The following INVS variants were observed in gnomAD, a reference collection of about 807,000 sequenced individuals.
INVS encodes the protein inversin.
In INVS, 86 loss-of-function variants were observed where a neutral mutation model predicts 108.8. The observed-to-expected ratio is 0.79, with a 90% confidence interval of 0.66 to 0.95. The LOEUF (loss-of-function observed/expected upper bound fraction) is 0.95. Among genes scored for constraint, INVS ranks in the 40% least tolerant of loss-of-function variants. The probability of loss-of-function intolerance (pLI) is 0.00; values close to 1 mark genes in which losing one functional copy is unlikely to be tolerated. For synonymous variants in INVS, 455 were observed against 473.5 expected, an observed-to-expected ratio of 0.96 and a Z score of 0.51; for missense variants, 1,169 against 1,297.4, an observed-to-expected ratio of 0.90 and a Z score of 1.52.
At chr9:100,173,296 G>A (rs1475545391) in intron 3 of INVS, among the ~76,000 whole-genome samples, 1 of 152,196 alleles carries the variant, frequency 6.6e-6, no homozygotes, top group African/African-American at 2.4e-5. Flanking sequence ...GTAAGAAGAG[G>A]ATAGCACTGG....
chr9:100,207,345 A>T (rs1258922918), intron 3 of INVS, among the ~76,000 whole-genome samples: 1 of 151,936 alleles, frequency 6.6e-6, no homozygotes, highest in East Asian at 1.9e-4. Flanking sequence ...CCAGGCTGGA[A>T]TGCAGTGGCA....
intron 3 of INVS, among the ~76,000 whole-genome samples, chr9:100,167,512 T>C (rs1394335869): frequency 6.6e-6 from 1 of 152,168 alleles, no homozygotes; most frequent in East Asian, 1.9e-4. Context: ...CTTATTCAAG[T>C]CACTGTCTCA....
intron 7 of INVS, 69 bp from the exon 8 acceptor site, chr9:100,246,547 T>C: frequency 9.1e-7 from 1 of 1,094,556 alleles, no homozygotes; most frequent in Non-Finnish European, 1.4e-6. Context: ...CACATATTAT[T>C]ATATGACTTT....
chr9:100,174,089 A>T (rs1829632053), intron 3 of INVS, among the ~76,000 whole-genome samples: 1 of 152,238 alleles, frequency 6.6e-6, no homozygotes, highest in South Asian at 2.1e-4. Flanking sequence ...ACAAACAGTA[A>T]ACTGTGTTCC....
At chr9:100,111,716 GT>G (rs1827341768) in intron 2 of INVS, among the ~76,000 whole-genome samples, 1 of 152,176 alleles carries the variant, frequency 6.6e-6, no homozygotes, top group Non-Finnish European at 1.5e-5. Flanking sequence ...ACAATACATT[GT>G]TTTATTGGAT....
chr9:100,136,077 T>C (rs1430803341), intron 3 of INVS, among the ~76,000 whole-genome samples: 1 of 152,082 alleles, frequency 6.6e-6, no homozygotes, highest in African/African-American at 2.4e-5. Flanking sequence ...AATAAATGGA[T>C]GGATATAAAT....
intron 3 of INVS, among the ~76,000 whole-genome samples, chr9:100,207,116 T>G (rs1336358465): frequency 6.6e-6 from 1 of 152,120 alleles, no homozygotes; most frequent in Non-Finnish European, 1.5e-5. Context: ...TTTTTTCCAT[T>G]GTAACTATAA....
Position 100,292,346 on chromosome 9 carries a change from A to C in INVS, c.2089A>C (p.Lys697Gln), listed in dbSNP as rs374381370. 6.2e-7 allele frequency: 1 copy of C among 1,614,126 alleles called. No homozygotes were observed. Among genetic ancestry groups the C allele is most frequent in the South Asian group, 1.1e-5 (1 of 91,082 alleles). ...RPNETAREHSKGQSACVHFRP... is the reference protein window; with the variant it reads ...RPNETAREHSQGQSACVHFRP... ...TCAAGAAACAGCCAGAGAACATTCT[A>C]AAGGCCAATCTGCTTGTGTCCACTT... Residue 697 changes from lysine to glutamine, a missense_variant, in exon 14 of 17, where the codon AAA becomes CAA. By Grantham distance (53) the Lys-to-Gln change is moderately conservative (BLOSUM62 1). Around this residue, in one of 3 missense-constraint regions of INVS, gnomAD observed 533 missense variants for 536.0 expected, o/e 0.99. Transcript: ENST00000262457.
intron 6 of INVS, 62 bp downstream of exon 6, chr9:100,240,302 C>A: frequency 7.8e-7 from 1 of 1,283,474 alleles, no homozygotes; most frequent in South Asian, 1.2e-5. Context: ...ATTTCTGTGC[C>A]TTCCCTTCCA....
At chr9:100,162,257 T>G (rs1471383019) in intron 3 of INVS, among the ~76,000 whole-genome samples, 1 of 152,196 alleles carries the variant, frequency 6.6e-6, no homozygotes, top group Non-Finnish European at 1.5e-5. Flanking sequence ...TAATACACAT[T>G]TTCTGTTAAT....
chr9:100,100,811 A>ATATATATAATATATTATATATAAT (rs1554712500), intron 1 of INVS, among the ~76,000 whole-genome samples: 2 of 13,214 alleles, frequency 1.5e-4, no homozygotes, highest in Non-Finnish European at 1.1e-4. Context: ...ATGTATATAT[A>ATATATATAATATATTATATATAAT]ATATATATAA....
intron 10 of INVS, among the ~76,000 whole-genome samples, chr9:100,259,352 C>T (rs1832532703): frequency 1.3e-5 from 2 of 152,098 alleles, no homozygotes. Context: ...AAGGGAATTC[C>T]CCGACCCCTT....
intron 12 of INVS, among the ~76,000 whole-genome samples, chr9:100,277,853 A>G (rs1833156167): frequency 6.6e-6 from 1 of 152,320 alleles, no homozygotes; most frequent in East Asian, 1.9e-4. Flanking sequence ...TTAGAGCTAA[A>G]TCTTTTTTGT....
chr9:100,123,311 T>C (rs1827783947), intron 2 of INVS, among the ~76,000 whole-genome samples: 1 of 152,216 alleles, frequency 6.6e-6, no homozygotes, highest in Admixed American at 6.5e-5. Flanking sequence ...TCTGTCTCTA[T>C]AGATATGCCA....
chr9:100,184,061 G>A (rs1365368270), intron 3 of INVS, among the ~76,000 whole-genome samples: 1 of 152,034 alleles, frequency 6.6e-6, no homozygotes, highest in Non-Finnish European at 1.5e-5. Context: ...AATAGACTTT[G>A]TAAAGTTATG....
chr9:100,249,086 A>AGAACCCTTTTCCCCCAAATGAAAAGGGGG (rs1383634726), intron 8 of INVS, among the ~76,000 whole-genome samples: 20 of 152,092 alleles, frequency 1.3e-4, no homozygotes, highest in African/African-American at 4.1e-4. Context: ...GAAGAGCATA[A>AGAACCCTTTTCCCCCAAATGAAAAGGGGG]GAACCCTTTT....
At chr9:100,164,933 G>T in intron 3 of INVS, among the ~76,000 whole-genome samples, 1 of 137,842 alleles carries the variant, frequency 7.3e-6, no homozygotes, top group African/African-American at 2.7e-5. Context: ...TGGCTATTGT[G>T]GCTTAACCCC....
rs756370638 is a variant in INVS at position 100,298,074 on chromosome 9, A to G, written c.3091+64A>G. On this transcript the variant is annotated intron_variant, in intron 16 of 16. Coordinates refer to ENST00000262457, the MANE Select transcript of INVS (RefSeq NM_014425.5). ...ATGGGGAAGCATTTTCCTTTGTTTC[A>G]TCCCCAAAGACAGAAGACATTAGAA... 1.3e-5 allele frequency: 21 copies of G among 1,612,344 alleles called. No homozygotes were observed. The African/African-American group carries it at 2.7e-4, about 20-fold the overall frequency.
intron 12 of INVS, among the ~76,000 whole-genome samples, chr9:100,275,143 A>G (rs1205835716): frequency 6.6e-6 from 1 of 152,168 alleles, no homozygotes; most frequent in African/African-American, 2.4e-5. Flanking sequence ...TTGCCAAAGA[A>G]TCCAGTATCA....
Sources: allele counts gnomAD v4.1 joint callset (sites outside exome capture counted in the v4.1 genomes callset), GRCh38; gene constraint gnomAD v4.1.1; regional missense constraint gnomAD v4.1.1; transcripts MANE v1.5; gene names NCBI Gene and HGNC (gene_info 2026-07-23, HGNC 2026-07-21).